TMCO5A: variants seen among roughly 807,000 people sequenced by gnomAD.
TMCO5A encodes the protein transmembrane and coiled-coil domains 5A, also known as transmembrane and coiled-coil domain-containing protein 5A.
In TMCO5A, 34 loss-of-function variants were observed where a neutral mutation model predicts 42.3. The observed-to-expected ratio is 0.80, with a 90% CI of 0.61 to 1.07. The LOEUF (loss-of-function observed/expected upper bound fraction) is 1.07. Among genes scored for constraint, TMCO5A ranks in the 50% least tolerant of loss-of-function variants. The probability of loss-of-function intolerance (pLI) is 0.00; values close to 1 mark genes in which losing one functional copy is unlikely to be tolerated. For missense variants in TMCO5A, 357 were observed against 327.9 expected, an observed-to-expected ratio of 1.09 and a Z score of -0.69; for synonymous variants, 131 against 115.6, an observed-to-expected ratio of 1.13 and a Z score of -0.86.
chr15:37,988,920 A>T, the TMCO5A span, among the ~76,000 whole-genome samples: 20 of 151,954 alleles, frequency 1.3e-4, no homozygotes, highest in African/African-American at 4.3e-4. Context: ...GAGAATTGGT[A>T]TTCTTCTCTA....
chr15:37,989,939 T>G, the TMCO5A span, among the ~76,000 whole-genome samples: 1 of 152,070 alleles, frequency 6.6e-6, no homozygotes, highest in African/African-American at 2.4e-5. Flanking sequence ...TTCTCAACAC[T>G]GCCAAGTTCC....
chr15:38,013,785 T>C, the TMCO5A span, among the ~76,000 whole-genome samples: 1 of 152,222 alleles, frequency 6.6e-6, no homozygotes. Flanking sequence ...ACTGTTACTA[T>C]AGCAAATTAT....
the TMCO5A span, among the ~76,000 whole-genome samples, chr15:37,978,741 TC>T: frequency 6.6e-6 from 1 of 152,180 alleles, no homozygotes. Flanking sequence ...GCTGTATTAG[TC>T]CATTCTTGTA....
At chr15:37,987,938 A>G in the TMCO5A span, among the ~76,000 whole-genome samples, 6 of 152,012 alleles carry the variant, frequency 3.9e-5, no homozygotes, top group Non-Finnish European at 7.4e-5. Context: ...CTGAATTTGT[A>G]TACCACTTTG....
At chr15:38,008,494 A>C in the TMCO5A span, among the ~76,000 whole-genome samples, 1 of 152,166 alleles carries the variant, frequency 6.6e-6, no homozygotes, top group East Asian at 1.9e-4. Context: ...TTCATTCATA[A>C]AGCATCTGTC....
At chr15:38,038,483 G>A in the TMCO5A span, among the ~76,000 whole-genome samples, 1 of 150,244 alleles carries the variant, frequency 6.7e-6, no homozygotes, top group East Asian at 2.0e-4. Context: ...TCGGCTCACT[G>A]CAACCTCTGC....
chr15:37,966,660 A>C, exon 12 of TMCO5A: 1 of 702,924 alleles, frequency 1.4e-6, no homozygotes, highest in Non-Finnish European at 2.6e-6. Flanking sequence ...GATGGCTGCC[A>C]ACAATCCAGA....
At chr15:37,980,244 A>G in the TMCO5A span, among the ~76,000 whole-genome samples, 1 of 152,160 alleles carries the variant, frequency 6.6e-6, no homozygotes, top group Non-Finnish European at 1.5e-5. Flanking sequence ...CTGTCGATTC[A>G]GCCTCTATCC....
the TMCO5A span, among the ~76,000 whole-genome samples, chr15:37,981,131 C>A: frequency 2.7e-5 from 4 of 148,342 alleles, no homozygotes; most frequent in African/African-American, 1.0e-4. Flanking sequence ...TGGAATCATA[C>A]CCAGAATATA....
At chr15:38,004,483 G>A in the TMCO5A span, among the ~76,000 whole-genome samples, 3 of 152,088 alleles carry the variant, frequency 2.0e-5, no homozygotes, top group African/African-American at 7.2e-5. Flanking sequence ...GGCTTAGACT[G>A]CCTTTCAAGT....
At chr15:38,022,727 G>C in the TMCO5A span, among the ~76,000 whole-genome samples, 1 of 152,132 alleles carries the variant, frequency 6.6e-6, no homozygotes, top group Admixed American at 6.5e-5. Context: ...GGGAGATGTT[G>C]ATAATGGGGG....
intron 8 of TMCO5A, 83 bp from the exon 9 acceptor site, chr15:37,942,108 T>G (rs75931132): frequency 8.0e-7 from 1 of 1,251,734 alleles, no homozygotes; most frequent in African/African-American, 1.5e-5. Flanking sequence ...CATGGTATCA[T>G]GTAATAACAA....
At chr15:37,940,053 G>T (rs114306773) in intron 6 of TMCO5A, among the ~76,000 whole-genome samples, 84 of 152,128 alleles carry the variant, frequency 5.5e-4, no homozygotes, top group African/African-American at 1.9e-3. Context: ...CCTTTTGCAA[G>T]CCACCATAAC....
the TMCO5A span, among the ~76,000 whole-genome samples, chr15:37,973,974 G>T: frequency 2.0e-5 from 3 of 152,132 alleles, no homozygotes. Context: ...AACATGAAAA[G>T]ATTTTGCATT....
chr15:38,025,550 C>T, the TMCO5A span, among the ~76,000 whole-genome samples: 1 of 152,006 alleles, frequency 6.6e-6, no homozygotes, highest in Non-Finnish European at 1.5e-5. Context: ...ATCATCCTGG[C>T]AACAGTTTAA....
At chr15:37,979,013 A>C in the TMCO5A span, among the ~76,000 whole-genome samples, 1 of 151,714 alleles carries the variant, frequency 6.6e-6, no homozygotes, top group Non-Finnish European at 1.5e-5. Flanking sequence ...ACCAAGGGGG[A>C]AATCCACCCC....
At chr15:37,965,927 T>TTG (rs1890544921) in intron 11 of TMCO5A, among the ~76,000 whole-genome samples, 1 of 151,858 alleles carries the variant, frequency 6.6e-6, no homozygotes, top group Non-Finnish European at 1.5e-5. Context: ...ACAAAGGAAA[T>TTG]CAGTACATTG....
chr15:37,969,042 G>T (rs1402108643), downstream of TMCO5A, among the ~76,000 whole-genome samples: 1 of 152,190 alleles, frequency 6.6e-6, no homozygotes, highest in African/African-American at 2.4e-5. Flanking sequence ...CTGGTTTTGA[G>T]AAGGTGGGAA....
At chr15:37,996,724 T>C in the TMCO5A span, among the ~76,000 whole-genome samples, 1 of 152,170 alleles carries the variant, frequency 6.6e-6, no homozygotes, top group African/African-American at 2.4e-5. Context: ...AGTAAGCCCT[T>C]ACCTGAAGCT....
Sources: gnomAD v4.1 joint callset for allele counts (sites outside exome capture counted in the v4.1 genomes callset) on GRCh38, gnomAD v4.1.1 for gene constraint, MANE v1.5 for transcripts, NCBI Gene and HGNC (gene_info 2026-07-23, HGNC 2026-07-21) for gene names.